The following SYCP3 variants were observed in gnomAD, a reference collection of about 807,000 sequenced individuals.
The protein encoded by SYCP3 is synaptonemal complex protein 3.
A neutral mutation model predicts 38.5 loss-of-function variants in SYCP3; 29 were observed. The observed-to-expected ratio is 0.75, with a 90% confidence interval of 0.56 to 1.03. The LOEUF (loss-of-function observed/expected upper bound fraction) is 1.03. Ranked by LOEUF, SYCP3 falls within the 50% of genes least tolerant of loss-of-function variation. SYCP3 has a pLI of 0.00. For synonymous variants in SYCP3, 79 were observed against 80.3 expected (o/e 0.98, Z 0.08); for missense variants, 242 against 270.7 (o/e 0.89, Z 0.74).
In SYCP3 at chr12:101,731,608, C is replaced by A. The variant is rs1320256773; in HGVS notation, c.512G>T (p.Arg171Ile). The change falls in exon 7 of 9, where the codon AGA becomes ATA. Residue 171 changes from arginine (R) to isoleucine (I), a missense_variant. Arg to Ile is a moderately conservative substitution (Grantham distance 97, BLOSUM62 -3). Transcript: ENST00000392924. ...LQQSRIVQSQ[R>I]LKTIKQLYEQ... Reference sequence around the variant, plus strand: ...ATATAACTGTTTAATTGTTTTCAATCTCTGGCTCTGAACAATTCTAGATTG... The same window carrying A: ...ATATAACTGTTTAATTGTTTTCAATATCTGGCTCTGAACAATTCTAGATTG... 1.2e-6 allele frequency: 2 copies of A among 1,607,030 alleles called. No individual in the cohort carries two copies. Among genetic ancestry groups the A allele is most frequent in the African/African-American group, 2.7e-5 (2 of 74,798 alleles).
At chr12:101,735,851 T>TTATATATATATATATATATA (rs1157750107) in intron 4 of SYCP3, among the ~76,000 whole-genome samples, 87 of 95,932 alleles carry the variant, frequency 9.1e-4, no homozygotes, top group African/African-American at 1.3e-3. Flanking sequence ...ATAATCAATT[T>TTATATATATATATATATATA]TATATATATA....
At chr12:101,736,733 TG>T (rs1361322428) in intron 4 of SYCP3, among the ~76,000 whole-genome samples, 1 of 152,026 alleles carries the variant, frequency 6.6e-6, no homozygotes, top group Non-Finnish European at 1.5e-5. Context: ...TGTGTGTGTG[TG>T]TGTGTGTATC....
chr12:101,733,199 T>C (rs1952258316), intron 6 of SYCP3: 2 of 209,618 alleles, frequency 9.5e-6, no homozygotes, highest in Non-Finnish European at 1.9e-5. Flanking sequence ...ACTATCTTGC[T>C]TACTACATCA....
intron 7 of SYCP3, chr12:101,729,618 T>G (rs1952094098): frequency 6.1e-6 from 1 of 162,962 alleles, no homozygotes; most frequent in African/African-American, 2.4e-5. Flanking sequence ...TCTTTCACAT[T>G]ATGAAAAATA....
intron 7 of SYCP3, chr12:101,730,476 A>T (rs1158998182): frequency 1.2e-5 from 5 of 421,528 alleles, no homozygotes; most frequent in South Asian, 8.7e-5. Context: ...TTTTAAAATA[A>T]CATGTGTGTG....
At chr12:101,731,287 ATGAC>A (rs1952179626) in intron 7 of SYCP3, among the ~76,000 whole-genome samples, 1 of 152,204 alleles carries the variant, frequency 6.6e-6, no homozygotes, top group Non-Finnish European at 1.5e-5. Flanking sequence ...ACAGAGAACT[ATGAC>A]TGAAGTGTTA....
intron 6 of SYCP3, chr12:101,733,330 G>T (rs571539200): frequency 2.1e-6 from 1 of 467,932 alleles, no homozygotes; most frequent in African/African-American, 2.0e-5. Context: ...ATAAACCAAT[G>T]ATCCTTCTTT....
chr12:101,737,970 C>G lies in SYCP3; in HGVS notation c.-17-18G>C. Reference sequence around the variant, plus strand: ...CTTCCTGACTTTAAAAAACAAATTTCTTTAACCTTCTGAATGCAAAGACAT... The same window carrying G: ...CTTCCTGACTTTAAAAAACAAATTTGTTTAACCTTCTGAATGCAAAGACAT... On this transcript the variant is annotated intron_variant, in intron 1 of 8. Transcript: ENST00000392924. 6.2e-7 allele frequency: 1 copy of G among 1,612,402 alleles called. No homozygotes were observed. The highest frequency in any genetic ancestry group is 8.5e-7 in the Non-Finnish European group (1 of 1,178,866).
At chr12:101,736,708 A>ATGTGTGTG (rs34377603) in intron 4 of SYCP3, among the ~76,000 whole-genome samples, 4 of 149,026 alleles carry the variant, frequency 2.7e-5, no homozygotes, top group Admixed American at 2.0e-4. Context: ...ATGTATGTAT[A>ATGTGTGTG]TGTGTGTGTG....
Position 101,728,839 on chromosome 12 carries a change from ACTATT to A in SYCP3, c.*83_*87del. ...TTATGATTAAAGATGTTACAATTAA[ACTATT>A]CTAAAGACTTACAATATGCTTCTTA... On this transcript the variant is annotated 3_prime_UTR_variant, in exon 9 of 9. Transcript: ENST00000392924. The A allele has an allele frequency of 1.3e-6, 2 of 1,570,424 alleles. No homozygotes were observed. Among genetic ancestry groups the A allele is most frequent in the South Asian group, 1.1e-5 (1 of 88,044 alleles).
At chr12:101,735,871 A>ATATATATATATATTTTTTT in intron 4 of SYCP3, among the ~76,000 whole-genome samples, 7 of 74,788 alleles carry the variant, frequency 9.4e-5, no homozygotes, top group African/African-American at 3.1e-4. Flanking sequence ...ATATATATAT[A>ATATATATATATATTTTTTT]TTTTTTTTTT....
chr12:101,733,779 C>T, intron 5 of SYCP3, 105 bp from the exon 6 acceptor site: 1 of 1,017,222 alleles, frequency 9.8e-7, no homozygotes, highest in Non-Finnish European at 1.5e-6. Context: ...AAAGGAAATA[C>T]CTGCAGCTTA....
chr12:101,730,422 C>T, intron 7 of SYCP3: 2 of 403,178 alleles, frequency 5.0e-6, no homozygotes, highest in Non-Finnish European at 9.5e-6. Flanking sequence ...AAATGGTTCT[C>T]AGAGCATTGG....
At chr12:101,730,761 A>C (rs1378430691) in intron 7 of SYCP3, 1 of 185,982 alleles carries the variant, frequency 5.4e-6, no homozygotes, top group East Asian at 1.7e-4. Flanking sequence ...TGGCATCCCA[A>C]AGTGTCAGCC....
chr12:101,736,151 T>C (rs1952433428), intron 4 of SYCP3, among the ~76,000 whole-genome samples: 1 of 152,050 alleles, frequency 6.6e-6, no homozygotes, highest in South Asian at 2.1e-4. Flanking sequence ...TTAAATGCTT[T>C]TGTGGAGCTC....
At chr12:101,731,787 TAAC>T (rs1952202574) in intron 6 of SYCP3, 121 bp from the exon 7 acceptor site, 2 of 666,916 alleles carry the variant, frequency 3.0e-6, no homozygotes, top group East Asian at 2.9e-5. Flanking sequence ...TTTAAAATTT[TAAC>T]AACTATTATG....
chr12:101,733,790 A>T (rs1952282145), intron 5 of SYCP3, 116 bp from the exon 6 acceptor site: 2 of 932,782 alleles, frequency 2.1e-6, no homozygotes, highest in Admixed American at 4.8e-5. Context: ...CTGCAGCTTA[A>T]GTCTTCTGAT....
At chr12:101,732,670 T>G (rs1952236495) in intron 6 of SYCP3, 2 of 140,362 alleles carry the variant, frequency 1.4e-5, no homozygotes, top group Admixed American at 1.4e-4. Context: ...TCTTTTTTCT[T>G]TTTTTTTTTT....
chr12:101,732,413 TCAACAATGTTCTG>T (rs1952225180), intron 6 of SYCP3: 1 of 152,182 alleles, frequency 6.6e-6, no homozygotes, highest in Admixed American at 6.6e-5. Context: ...CCATTAAAAG[TCAACAATGTTCTG>T]ACTACAGACA....
Sources: gnomAD v4.1 joint callset for allele counts (sites outside exome capture counted in the v4.1 genomes callset) on GRCh38, gnomAD v4.1.1 for gene constraint, MANE v1.5 for transcripts, NCBI Gene and HGNC (gene_info 2026-07-23, HGNC 2026-07-21) for gene names.